Variants in CACNA1C observed in about 807,000 individuals in gnomAD.
CACNA1C encodes calcium voltage-gated channel subunit alpha1 C, also known as voltage-dependent L-type calcium channel subunit alpha-1C.
Under a neutral mutation model 229.0 loss-of-function variants are expected in CACNA1C, and 30 were observed. The observed-to-expected ratio is 0.13, with a 90% CI of 0.10 to 0.18. The LOEUF (loss-of-function observed/expected upper bound fraction) is 0.18. CACNA1C is among the 10% of genes least tolerant of loss of function. The pLI, the probability that CACNA1C is intolerant of heterozygous loss-of-function variation, is 1.00. For synonymous variants in CACNA1C, 1,114 were observed against 1,132.5 expected (o/e 0.98, Z 0.33); for missense variants, 1,658 against 2,845.0 (o/e 0.58, Z 9.49).
At chr12:2,049,727 G>A (rs922574254), upstream of CACNA1C, among the ~76,000 whole-genome samples, 1 of 152,128 alleles carries the variant, frequency 6.6e-6, no homozygotes, top group Non-Finnish European at 1.5e-5. Flanking sequence ...TTCTTTAGCT[G>A]GAGAATCAAA....
chr12:2,229,977 C>G (rs1339762873), intron 3 of CACNA1C, among the ~76,000 whole-genome samples: 1 of 152,142 alleles, frequency 6.6e-6, no homozygotes, highest in Admixed American at 6.5e-5. Context: ...TGGGAGGTGA[C>G]GAGGGGTCTG....
At chr12:2,035,791 T>G (rs1415502561) in intron 1 of CACNA1C, among the ~76,000 whole-genome samples, 1 of 152,276 alleles carries the variant, frequency 6.6e-6, no homozygotes, top group Non-Finnish European at 1.5e-5. Flanking sequence ...TGTCCTATTT[T>G]AAAATATCTC....
At chr12:2,625,888 A>T (rs183229519) in intron 29 of CACNA1C, among the ~76,000 whole-genome samples, 13 of 152,124 alleles carry the variant, frequency 8.5e-5, no homozygotes, top group Admixed American at 7.9e-4. Flanking sequence ...TGCCCAGGAG[A>T]TGGAGGCTGC....
At chr12:2,327,137 C>T (rs566738197) in intron 3 of CACNA1C, among the ~76,000 whole-genome samples, 6 of 152,138 alleles carry the variant, frequency 3.9e-5, no homozygotes, top group South Asian at 4.1e-4. Context: ...CTGTTCACCT[C>T]GGAGTTTTAC....
intron 1 of CACNA1C, among the ~76,000 whole-genome samples, chr12:2,106,462 G>GCA (rs1441202493): frequency 2.3e-5 from 2 of 87,288 alleles, no homozygotes; most frequent in African/African-American, 8.8e-5. Flanking sequence ...CAGCTGGGGT[G>GCA]TCCTGAAGCC....
At chr12:2,357,453 C>T (rs1456540245) in intron 3 of CACNA1C, among the ~76,000 whole-genome samples, 4 of 152,120 alleles carry the variant, frequency 2.6e-5, no homozygotes, top group Admixed American at 6.5e-5. Flanking sequence ...TGGAGAGGTT[C>T]TTCTTTTCTC....
In CACNA1C at chr12:2,602,656, G is replaced by A. The variant is rs1028463192; in HGVS notation, c.2960+696G>A. ...TGTGTGTGTGTGTGTGTGTGTGTGT[G>A]TGTGTGTGTGTGTGAGTTTTTCATT... On this transcript the variant is annotated intron_variant, in intron 22 of 46. Transcript: ENST00000399655. The surrounding 1 kb of genome is among the most constrained non-coding windows in gnomAD (Gnocchi z 4.4). 2.6e-5 allele frequency among the ~76,000 whole-genome samples: 4 copies of A among 151,822 alleles called. No individual in the cohort carries two copies. Among genetic ancestry groups the A allele is most frequent in the East Asian group, 1.9e-4 (1 of 5,168 alleles).
intron 3 of CACNA1C, among the ~76,000 whole-genome samples, chr12:2,351,131 A>C (rs1056770020): frequency 6.6e-6 from 1 of 152,122 alleles, no homozygotes; most frequent in Admixed American, 6.5e-5. Flanking sequence ...GGGATGGATA[A>C]TTCTTTCTTG....
At chr12:2,572,204 G>C (rs1324352554) in intron 13 of CACNA1C, among the ~76,000 whole-genome samples, 2 of 152,048 alleles carry the variant, frequency 1.3e-5, no homozygotes, top group East Asian at 1.9e-4. Flanking sequence ...CTCACTTGAA[G>C]AACCACTGGC....
At position 2,575,348 on chromosome 12, in the gene CACNA1C, C is replaced by T. The variant is rs1028461550; in HGVS notation, c.1896-6242C>T. 6.6e-6 allele frequency among the ~76,000 whole-genome samples: 1 copy of T among 152,160 alleles called. No homozygotes were observed. The highest frequency in any genetic ancestry group is 1.5e-5 in the Non-Finnish European group (1 of 68,022). The stretch of plus-strand genomic sequence containing the variant: ...TACTCTAGAATTCTGCTTGACTCCT[C>T]CTGGCCCAGCCCAGCATATACGGTT... On this transcript the variant is annotated intron_variant, in intron 13 of 46. Transcript: ENST00000399655. This position sits in a 1 kb window ranked among gnomAD's most constrained non-coding sequence, Gnocchi z 4.0.
intron 3 of CACNA1C, among the ~76,000 whole-genome samples, chr12:2,212,607 T>C (rs887569312): frequency 2.0e-5 from 3 of 152,332 alleles, no homozygotes; most frequent in Admixed American, 6.5e-5. Context: ...GAAAGGTATG[T>C]ATTTTATTTA....
intron 3 of CACNA1C, among the ~76,000 whole-genome samples, chr12:2,121,076 A>G (rs113754340): frequency 0.013 from 1,956 of 152,308 alleles, 51 homozygotes; most frequent in African/African-American, 0.044. Context: ...CTTTTGCTCC[A>G]TCTGGGCATG....
At chr12:2,141,558 C>T (rs1460233202) in intron 3 of CACNA1C, among the ~76,000 whole-genome samples, 1 of 151,440 alleles carries the variant, frequency 6.6e-6, no homozygotes, top group Non-Finnish European at 1.5e-5. Context: ...ATTTCCCTAG[C>T]AACTTCTCTA....
chr12:2,462,891 T>C (rs1474116732), intron 5 of CACNA1C, among the ~76,000 whole-genome samples: 1 of 151,646 alleles, frequency 6.6e-6, no homozygotes, highest in Non-Finnish European at 1.5e-5. Context: ...CCAATAGTGT[T>C]AGAGGCCCCA....
At chr12:2,057,220 TACTGAC>T in intron 1 of CACNA1C, among the ~76,000 whole-genome samples, 1 of 152,352 alleles carries the variant, frequency 6.6e-6, no homozygotes, top group Non-Finnish European at 1.5e-5. Context: ...CCAAGGAGCA[TACTGAC>T]TGGAGATTTC....
chr12:2,553,985 A>G (rs2042724544), intron 10 of CACNA1C, among the ~76,000 whole-genome samples: 1 of 152,208 alleles, frequency 6.6e-6, no homozygotes, highest in East Asian at 1.9e-4. Flanking sequence ...CGCATTGTCA[A>G]TGTGGATGAT....
intron 1 of CACNA1C, among the ~76,000 whole-genome samples, chr12:2,096,061 TACTC>T (rs1385972182): frequency 6.6e-6 from 1 of 152,144 alleles, no homozygotes; most frequent in African/African-American, 2.4e-5. Flanking sequence ...GCCCTGGAGA[TACTC>T]ACAGGTGCCC....
intron 11 of CACNA1C, among the ~76,000 whole-genome samples, chr12:2,565,571 T>C (rs1000586329): frequency 6.6e-6 from 1 of 151,154 alleles, no homozygotes; most frequent in Non-Finnish European, 1.5e-5. Context: ...TTGGGGAGGG[T>C]TCCCTAGGTA....
intron 5 of CACNA1C, among the ~76,000 whole-genome samples, chr12:2,464,553 GTCCCAGACT>G (rs2099537142): frequency 6.6e-6 from 1 of 152,140 alleles, no homozygotes; most frequent in Non-Finnish European, 1.5e-5. Context: ...TGTCCTCATC[GTCCCAGACT>G]TCCCTTTAAT....
Sources: allele counts gnomAD v4.1 joint callset (sites outside exome capture counted in the v4.1 genomes callset), GRCh38; gene constraint gnomAD v4.1.1; non-coding constraint Gnocchi (gnomAD v3.1); transcripts MANE v1.5; gene names NCBI Gene and HGNC (gene_info 2026-07-23, HGNC 2026-07-21).